The following RBFOX1 variants were observed in gnomAD, a reference collection of about 807,000 sequenced individuals.
The protein encoded by RBFOX1 is RNA binding fox-1 homolog 1.
In RBFOX1, 8 loss-of-function variants were observed where a neutral mutation model predicts 57.7. That is an observed-to-expected ratio of 0.14 (90% CI 0.08 to 0.25). The LOEUF is 0.25. RBFOX1 is among the 10% of genes least tolerant of loss of function. The pLI, the probability that RBFOX1 is intolerant of heterozygous loss-of-function variation, is 1.00. For missense variants in RBFOX1, 611 were observed against 548.5 expected (o/e 1.11, Z -1.14); for synonymous variants, 326 against 222.4 (o/e 1.47, Z -4.15).
intron 2 of RBFOX1, among the ~76,000 whole-genome samples, chr16:6,563,858 G>A (rs979786277): frequency 6.6e-6 from 1 of 151,820 alleles, no homozygotes; most frequent in Non-Finnish European, 1.5e-5. Context: ...GTGTGTGTGT[G>A]TGTGTATGTA....
chr16:7,552,460 G>C (rs540381498), intron 5 of RBFOX1, among the ~76,000 whole-genome samples: 1 of 152,142 alleles, frequency 6.6e-6, no homozygotes, highest in African/African-American at 2.4e-5. Context: ...CTTCAGAGAA[G>C]TTGCAGAGTT....
intron 3 of RBFOX1, among the ~76,000 whole-genome samples, chr16:6,708,205 G>A (rs1429554760): frequency 1.3e-5 from 2 of 151,950 alleles, no homozygotes; most frequent in African/African-American, 4.8e-5. Flanking sequence ...CTCCTTTGTT[G>A]TTGAGTCCTC....
intron 1 of RBFOX1, among the ~76,000 whole-genome samples, chr16:5,392,378 C>T (rs1164960740): frequency 6.6e-6 from 1 of 152,064 alleles, no homozygotes; most frequent in Non-Finnish European, 1.5e-5. Flanking sequence ...TCTGCAAAGG[C>T]CGTACTTCCA....
In RBFOX1 at chr16:5,284,756, A is replaced by ATTTTTTTTTTTTTT. The variant is rs1166998032; in HGVS notation, c.219+44664_219+44677dup. Among the ~76,000 whole-genome samples the ATTTTTTTTTTTTTT allele has an allele frequency of 1.3e-3, 77 of 61,044 alleles. 4 individuals are homozygous for ATTTTTTTTTTTTTT. The highest frequency in any genetic ancestry group is 2.4e-3 in the East Asian group (4 of 1,676). 40.0% of individuals were successfully genotyped at this position (61,044 alleles called of 152,430 possible). A position where few individuals can be genotyped will look rare whatever the true frequency, so the allele number is the denominator to read the frequency against. ...GCTGGGTATAGTAGTTTTGGCTTAGATTTTTTTTTTTTTTTTTTTTTTTTT... is the reference window on the plus strand; with the variant it reads ...GCTGGGTATAGTAGTTTTGGCTTAGATTTTTTTTTTTTTTTTTTTTTTTTTTTTTTTTTTTTTTT... On this transcript the variant is annotated intron_variant, in intron 1 of 2. Coordinates refer to the RBFOX1 transcript ENST00000585867.
intron 4 of RBFOX1, among the ~76,000 whole-genome samples, chr16:5,901,931 C>T (rs2058314171): frequency 6.6e-6 from 1 of 152,284 alleles, no homozygotes; most frequent in Non-Finnish European, 1.5e-5. Flanking sequence ...TTTGGTTCTC[C>T]ACCTAGAAGC....
chr16:7,109,834 C>G (rs571560524), intron 4 of RBFOX1, among the ~76,000 whole-genome samples: 5 of 152,104 alleles, frequency 3.3e-5, no homozygotes, highest in Non-Finnish European at 7.3e-5. Flanking sequence ...CCTTGCACTA[C>G]GTGATGAGGT....
chr16:6,266,803 T>G (rs2074562224), intron 1 of RBFOX1, among the ~76,000 whole-genome samples: 1 of 152,194 alleles, frequency 6.6e-6, no homozygotes, highest in Admixed American at 6.5e-5. Context: ...TAAAGTCTGT[T>G]GCTTTTATCA....
chr16:5,714,205 G>T (rs1329051932), intron 3 of RBFOX1, among the ~76,000 whole-genome samples: 2 of 152,162 alleles, frequency 1.3e-5, no homozygotes, highest in Non-Finnish European at 2.9e-5. Context: ...TTTGCCATGA[G>T]GGCTTGTTGT....
intron 4 of RBFOX1, among the ~76,000 whole-genome samples, chr16:5,936,177 G>A (rs2059164340): frequency 6.6e-6 from 1 of 152,176 alleles, no homozygotes; most frequent in Non-Finnish European, 1.5e-5. Context: ...AGGCTGGAGT[G>A]CCGTGGCGTG....
chr16:7,079,673 A>G (rs558513830), intron 4 of RBFOX1, among the ~76,000 whole-genome samples: 1 of 152,280 alleles, frequency 6.6e-6, no homozygotes, highest in Admixed American at 6.5e-5. Flanking sequence ...AGTGAAAAGT[A>G]AACATTTTCC....
intron 1 of RBFOX1, among the ~76,000 whole-genome samples, chr16:6,048,426 C>T (rs540595171): frequency 2.0e-5 from 3 of 152,274 alleles, no homozygotes; most frequent in Non-Finnish European, 4.4e-5. Flanking sequence ...GTGATTTCTC[C>T]TGTTCTGCCC....
intron 3 of RBFOX1, among the ~76,000 whole-genome samples, chr16:5,636,955 C>T (rs558612496): frequency 3.9e-5 from 6 of 152,200 alleles, no homozygotes; most frequent in South Asian, 2.1e-4. Context: ...GATTTGCCAG[C>T]GTGCGCTGCT....
At position 7,710,713 on chromosome 16, in the gene RBFOX1, C is replaced by A; in HGVS notation, c.1162C>A (p.Arg388=). The change falls in exon 16 of 16, where the codon CGA becomes AGA. Residue 388 remains arginine, a synonymous_variant. Transcript: ENST00000550418. ...VLSSLQASIY[R]GGYNRFAPY ...TTCTTCATTGCAGGCTAGTATATAC[C>A]GAGGGGGATACAACCGTTTTGCTCC... 1 of 1,607,214 alleles carries A rather than the reference C, an allele frequency of 6.2e-7. No individual in the cohort carries two copies. Among genetic ancestry groups the A allele is most frequent in the Non-Finnish European group, 8.5e-7 (1 of 1,177,098 alleles).
chr16:6,405,655 G>C (rs1029034541), intron 2 of RBFOX1, among the ~76,000 whole-genome samples: 8 of 152,138 alleles, frequency 5.3e-5, no homozygotes, highest in African/African-American at 1.7e-4. Context: ...AAAAATGAAA[G>C]TGAATAGGCA....
At chr16:5,441,395 C>G (rs187499542) in intron 1 of RBFOX1, among the ~76,000 whole-genome samples, 35 of 139,654 alleles carry the variant, frequency 2.5e-4, no homozygotes, top group African/African-American at 9.2e-4. Flanking sequence ...GACAGAGTCT[C>G]GCAGTGTCAC....
chr16:5,913,704 C>G (rs1047530421), intron 4 of RBFOX1, among the ~76,000 whole-genome samples: 3 of 152,206 alleles, frequency 2.0e-5, no homozygotes, highest in African/African-American at 4.8e-5. Context: ...AGGTGTATCA[C>G]CAGATCCTTG....
chr16:5,875,389 T>G lies in RBFOX1; in HGVS notation c.351+8054T>G, dbSNP rs573250545. 3.1e-4 allele frequency among the ~76,000 whole-genome samples: 47 copies of G among 152,282 alleles called. 1 individual carries two copies. Among genetic ancestry groups the G allele is most frequent in the Middle Eastern group, 3.4e-3 (1 of 294 alleles). On this transcript the variant is annotated intron_variant, in intron 4 of 19. Coordinates refer to the RBFOX1 transcript ENST00000641259. ...CATGACTGCCATTGTTTATCTCCAG[T>G]CCCAGTGAGTGGTGAAACTCGGGCA...
intron 3 of RBFOX1, among the ~76,000 whole-genome samples, chr16:6,748,380 G>C (rs1157530579): frequency 6.6e-6 from 1 of 152,002 alleles, no homozygotes; most frequent in African/African-American, 2.4e-5. Flanking sequence ...AATTATTTGG[G>C]GTGGGCACTG....
chr16:5,544,799 T>C (rs1408562713), intron 2 of RBFOX1, among the ~76,000 whole-genome samples: 1 of 152,112 alleles, frequency 6.6e-6, no homozygotes, highest in East Asian at 1.9e-4. Flanking sequence ...ATGAATGAGA[T>C]AGATAAATTC....
Sources: gnomAD v4.1 joint callset for allele counts (sites outside exome capture counted in the v4.1 genomes callset) on GRCh38, gnomAD v4.1.1 for gene constraint, MANE v1.5 for transcripts, NCBI Gene and HGNC (gene_info 2026-07-23, HGNC 2026-07-21) for gene names.